Variants in CD28 observed in about 807,000 individuals in gnomAD.
The protein encoded by CD28 is CD28 molecule, also known as T-cell-specific surface glycoprotein CD28.
In CD28, 8 loss-of-function variants were observed where a neutral mutation model predicts 21.4. The ratio of observed to expected loss-of-function variants is 0.37; its 90% CI spans 0.22 to 0.68. The LOEUF is 0.68. Ranked by LOEUF, CD28 falls within the 30% of genes least tolerant of loss-of-function variation. CD28 has a pLI of 0.55. For missense variants in CD28, 239 were observed against 272.2 expected, an observed-to-expected ratio of 0.88 and a Z score of 0.86; for synonymous variants, 106 against 104.0, an observed-to-expected ratio of 1.02 and a Z score of -0.12.
At chr2:203,731,476 A>AC (rs1396163163) in intron 3 of CD28, among the ~76,000 whole-genome samples, 3 of 152,132 alleles carry the variant, frequency 2.0e-5, no homozygotes, top group African/African-American at 7.2e-5. Context: ...CCCTTTGGAT[A>AC]CCCCTCCAGG....
intron 1 of CD28, among the ~76,000 whole-genome samples, chr2:203,722,716 T>G (rs1387313170): frequency 6.6e-6 from 1 of 152,214 alleles, no homozygotes; most frequent in Non-Finnish European, 1.5e-5. Flanking sequence ...AAGGTAGAAC[T>G]CAAATGTCAA....
Position 203,707,129 on chromosome 2 carries a change from C to T in CD28, c.52+381C>T, listed in dbSNP as rs1693178458. 2.6e-5 allele frequency among the ~76,000 whole-genome samples: 4 copies of T among 152,010 alleles called. No individual in the cohort carries two copies. The South Asian group carries it at 8.3e-4, about 32-fold the overall frequency. On this transcript the variant is annotated intron_variant, in intron 1 of 3. Coordinates refer to ENST00000324106, the MANE Select transcript of CD28 (RefSeq NM_006139.4). ...AAAGTGCTAGGGTTACAGGCATGAGCTACCATGCCCGGCCAATAATTTTTA... is the reference window on the plus strand; with the variant it reads ...AAAGTGCTAGGGTTACAGGCATGAGTTACCATGCCCGGCCAATAATTTTTA...
chr2:203,722,243 A>T (rs1332528086), intron 1 of CD28, among the ~76,000 whole-genome samples: 1 of 152,152 alleles, frequency 6.6e-6, no homozygotes, highest in Non-Finnish European at 1.5e-5. Flanking sequence ...AGATGCAGGC[A>T]TTGCTTGCTG....
chr2:203,714,333 G>C (rs2106111044), intron 1 of CD28, among the ~76,000 whole-genome samples: 1 of 152,210 alleles, frequency 6.6e-6, no homozygotes, highest in South Asian at 2.1e-4. Context: ...GCTCACGGCT[G>C]AGATCACAGG....
chr2:203,708,947 C>T (rs1250779618), intron 1 of CD28, among the ~76,000 whole-genome samples: 1 of 151,960 alleles, frequency 6.6e-6, no homozygotes, highest in Non-Finnish European at 1.5e-5. Flanking sequence ...TGGTGAAATC[C>T]CATCTCTACT....
chr2:203,734,702 A>G (rs1267344039), intron 3 of CD28, 82 bp from the exon 4 acceptor site: 4 of 1,518,370 alleles, frequency 2.6e-6, no homozygotes, highest in African/African-American at 1.4e-5. Flanking sequence ...TTGACAGTTA[A>G]TATTATGAAT....
rs1693999628 is a variant in CD28, at chr2:203,735,175, C to G, written c.*263C>G. ...ACTTACCATGTACTTAGTGACTTGA[C>G]TGAGAAGTTAGGGTAGAAAACAAAA... On this transcript the variant is annotated 3_prime_UTR_variant, in exon 4 of 4. Transcript: ENST00000324106. The G allele has an allele frequency of 2.2e-6, 1 of 445,490 alleles. No individual in the cohort carries two copies. The allele number at this position is 445,490 out of a possible 1,614,324, so 27.6% of individuals were successfully genotyped here.
At chr2:203,722,792 T>G (rs1435443361) in intron 1 of CD28, among the ~76,000 whole-genome samples, 2 of 152,224 alleles carry the variant, frequency 1.3e-5, no homozygotes, top group Admixed American at 1.3e-4. Flanking sequence ...GCCAAGGAGT[T>G]AGTAGACAAG....
At chr2:203,711,529 A>G (rs1438735887) in intron 1 of CD28, among the ~76,000 whole-genome samples, 1 of 152,160 alleles carries the variant, frequency 6.6e-6, no homozygotes, top group Non-Finnish European at 1.5e-5. Flanking sequence ...CATTACCATT[A>G]CTGTCATCTT....
At chr2:203,724,542 A>C (rs1018290671) in intron 1 of CD28, among the ~76,000 whole-genome samples, 9 of 152,144 alleles carry the variant, frequency 5.9e-5, no homozygotes, top group African/African-American at 1.7e-4. Context: ...TAAAGCCAGC[A>C]ATGATTTTTT....
chr2:203,722,067 C>T (rs1281472582), intron 1 of CD28, among the ~76,000 whole-genome samples: 1 of 152,182 alleles, frequency 6.6e-6, no homozygotes, highest in Non-Finnish European at 1.5e-5. Flanking sequence ...GTCCTATTCT[C>T]ATTCCCATCT....
rs189910090 is a variant in CD28, at chr2:203,723,927, A to G, written c.53-2706A>G. On this transcript the variant is annotated intron_variant, in intron 1 of 3. Transcript: ENST00000324106. The stretch of plus-strand genomic sequence containing the variant: ...AGAGTTGAAAACATACGTCCACACA[A>G]AAATCTGTATGCAAATGCTCATAGT... Among the ~76,000 whole-genome samples, 474 of 152,346 alleles carry G rather than the reference A, an allele frequency of 3.1e-3. 1 individual carries two copies. Among genetic ancestry groups the G allele is most frequent in the Non-Finnish European group, 6.0e-3 (405 of 68,030 alleles).
intron 1 of CD28, among the ~76,000 whole-genome samples, chr2:203,708,311 G>A (rs189633520): frequency 3.9e-5 from 6 of 152,122 alleles, no homozygotes; most frequent in Non-Finnish European, 8.8e-5. Context: ...GGTACCAAGC[G>A]TTTACAGCTA....
In CD28 at chr2:203,729,673, A is replaced by G. The variant is rs200498937; in HGVS notation, c.435A>G (p.Leu145=). ...VKGKHLCPSP[L]FPGPSKPFWV... is the part of the protein sequence containing the mutation. ...GGAAACACCTTTGTCCAAGTCCCCT[A>G]TTTCCCGGACCTTCTAAGCCCTTTT... The change falls in exon 3 of 4, where the codon CTA becomes CTG. Residue 145 remains leucine, a synonymous_variant. Coordinates refer to ENST00000324106, the MANE Select transcript of CD28 (RefSeq NM_006139.4). 1.4e-5 allele frequency: 23 copies of G among 1,613,848 alleles called. No individual in the cohort carries two copies. The highest frequency in any genetic ancestry group is 1.6e-4 in the Middle Eastern group (1 of 6,084).
intron 1 of CD28, among the ~76,000 whole-genome samples, chr2:203,720,412 G>C (rs1172287606): frequency 6.6e-6 from 1 of 152,168 alleles, no homozygotes; most frequent in Admixed American, 6.5e-5. Context: ...TAACCTAGTA[G>C]GTTTGACCTA....
chr2:203,709,295 T>A (rs1328161694), intron 1 of CD28, among the ~76,000 whole-genome samples: 1 of 152,186 alleles, frequency 6.6e-6, no homozygotes, highest in Non-Finnish European at 1.5e-5. Flanking sequence ...TGTATCTGTG[T>A]GCGTGCATGT....
At chr2:203,713,419 C>G (rs1294025018) in intron 1 of CD28, among the ~76,000 whole-genome samples, 1 of 152,038 alleles carries the variant, frequency 6.6e-6, no homozygotes, top group African/African-American at 2.4e-5. Context: ...GGATGGTTAG[C>G]TAGTGAAGGA....
intron 1 of CD28, among the ~76,000 whole-genome samples, chr2:203,709,197 A>C (rs1693247956): frequency 6.6e-6 from 1 of 152,070 alleles, no homozygotes; most frequent in Non-Finnish European, 1.5e-5. Context: ...ACCTTCCATT[A>C]AGAAATTATA....
intron 1 of CD28, among the ~76,000 whole-genome samples, chr2:203,707,325 G>T (rs1393065915): frequency 1.3e-5 from 2 of 151,936 alleles, no homozygotes; most frequent in Non-Finnish European, 2.9e-5. Context: ...CCAAACCTCA[G>T]TTTCCTTAAC....
Sources: allele counts gnomAD v4.1 joint callset (sites outside exome capture counted in the v4.1 genomes callset), GRCh38; gene constraint gnomAD v4.1.1; transcripts MANE v1.5; gene names NCBI Gene and HGNC (gene_info 2026-07-23, HGNC 2026-07-21).